Variants in C14orf132 observed in about 807,000 individuals in gnomAD.
C14orf132 encodes the protein chromosome 14 open reading frame 132, also known as uncharacterized protein C14orf132.
A neutral mutation model predicts 5.8 loss-of-function variants in C14orf132; 6 were observed. The observed-to-expected ratio is 1.03, with a 90% CI of 0.57 to 2.04. The LOEUF (loss-of-function observed/expected upper bound fraction) is 2.04, where lower values mean the gene tolerates loss of function less well. Among genes scored for constraint, C14orf132 ranks in the 30% most tolerant of loss-of-function variants. The probability of loss-of-function intolerance (pLI) is 0.00; values close to 1 mark genes in which losing one functional copy is unlikely to be tolerated. For missense variants in C14orf132, 125 were observed against 115.8 expected (o/e 1.08, Z -0.37); for synonymous variants, 51 against 49.8 (o/e 1.02, Z -0.10).
At position 96,039,523 on chromosome 14, in the gene C14orf132, C is replaced by T. The variant is rs1235722279; in HGVS notation, c.23C>T (p.Ala8Val). The T allele has an allele frequency of 1.1e-5, 16 of 1,502,596 alleles. No individual in the cohort carries two copies. The highest frequency in any genetic ancestry group is 2.1e-5 in the Admixed American group (1 of 47,998). The allele number at this position is 1,502,596 out of a possible 1,614,324, so 93.1% of individuals were successfully genotyped here. The change falls in exon 1 of 2, where the codon GCG becomes GTG. Residue 8 changes from alanine (A) to valine (V), a missense_variant. Coordinates refer to ENST00000555004, the MANE Select transcript of C14orf132 (RefSeq NM_001252507.3). The surrounding 1 kb of genome is among the most constrained non-coding windows in gnomAD (Gnocchi z 5.3). MDLSFMA[A>V]QLPMMGGAFM... ...ACCATGGATCTCTCCTTTATGGCCG[C>T]GCAGGTAACGGGGCGTCCCCCCCAC...
chr14:96,049,225 G>A (rs1886924274), intron 1 of C14orf132, among the ~76,000 whole-genome samples: 1 of 152,108 alleles, frequency 6.6e-6, no homozygotes, highest in African/African-American at 2.4e-5. Flanking sequence ...TAATAAAGCT[G>A]CTATAAACAT....
intron 1 of C14orf132, among the ~76,000 whole-genome samples, chr14:96,062,574 G>A (rs958112407): frequency 2.0e-5 from 3 of 152,122 alleles, no homozygotes; most frequent in Admixed American, 6.5e-5. Context: ...AATTGGAAAG[G>A]AGGCATTTCC....
In C14orf132 at chr14:96,073,962, T is replaced by C. The variant is rs935428073; in HGVS notation, c.28-12549T>C. ...ACAGAAAACCAAGCACTGAATGTTATCACTTACAAGTGGGAGCTGAACTAT... is the reference window on the plus strand; with the variant it reads ...ACAGAAAACCAAGCACTGAATGTTACCACTTACAAGTGGGAGCTGAACTAT... On this transcript the variant is annotated intron_variant, in intron 1 of 1. Coordinates refer to ENST00000555004, the MANE Select transcript of C14orf132 (RefSeq NM_001252507.3). 2.0e-5 allele frequency among the ~76,000 whole-genome samples: 3 copies of C among 152,308 alleles called. No individual in the cohort carries two copies. In the South Asian group the frequency reaches 6.2e-4, roughly 32 times the overall value.
chr14:96,076,507 A>G (rs1887870609), intron 1 of C14orf132, among the ~76,000 whole-genome samples: 1 of 152,106 alleles, frequency 6.6e-6, no homozygotes, highest in African/African-American at 2.4e-5. Flanking sequence ...CTTAAGGTAT[A>G]GTTTAGATCA....
At chr14:96,060,866 G>T (rs968409542) in intron 1 of C14orf132, among the ~76,000 whole-genome samples, 3 of 152,164 alleles carry the variant, frequency 2.0e-5, no homozygotes, top group African/African-American at 7.2e-5. Flanking sequence ...CTGGGTAAAG[G>T]GTTCCCTGAG....
rs1313989742 is a variant in C14orf132, at chr14:96,091,252, C to A, written c.*4517C>A. ...CGGAGGCTGGGGTTGAGATTTGGTC[C>A]TGAAGAGCTTATAGCCAGATTGCCA... On this transcript the variant is annotated 3_prime_UTR_variant, in exon 2 of 2. Coordinates refer to ENST00000555004, the MANE Select transcript of C14orf132 (RefSeq NM_001252507.3). 8.4e-6 allele frequency: 3 copies of A among 356,322 alleles called. No homozygotes were observed. The highest frequency in any genetic ancestry group is 2.1e-5 in the African/African-American group (1 of 46,730). 22.1% of individuals were successfully genotyped at this position (356,322 alleles called of 1,614,324 possible).
intron 1 of C14orf132, among the ~76,000 whole-genome samples, chr14:96,041,271 T>A (rs977903535): frequency 6.6e-6 from 1 of 152,186 alleles, no homozygotes; most frequent in Admixed American, 6.5e-5. Context: ...GCTTGGCATA[T>A]TTTATCACAG....
chr14:96,040,841 G>A (rs796958710), intron 1 of C14orf132, among the ~76,000 whole-genome samples: 36 of 151,930 alleles, frequency 2.4e-4, no homozygotes, highest in African/African-American at 8.7e-4. Context: ...GATGGTTTTA[G>A]CTACATGAAA....
chr14:96,052,455 C>T (rs1380051817), intron 1 of C14orf132, among the ~76,000 whole-genome samples: 1 of 152,262 alleles, frequency 6.6e-6, no homozygotes, highest in Admixed American at 6.5e-5. Flanking sequence ...GCATCCCTCC[C>T]TTCCGAGGTT....
chr14:96,086,795 C>G lies in C14orf132; in HGVS notation c.*60C>G. On this transcript the variant is annotated 3_prime_UTR_variant, in exon 2 of 2. Transcript: ENST00000555004. ...TTGGCACGTAGCTCTGACTTGCTGT[C>G]GGCCTTTGGCTTCTCCTGTGTTCTA... is the stretch of plus-strand genomic sequence containing the variant. 1 of 1,474,746 alleles carries G rather than the reference C, an allele frequency of 6.8e-7. No homozygotes were observed. 91.4% of individuals were successfully genotyped at this position (1,474,746 alleles called of 1,614,324 possible). A position where few individuals can be genotyped will look rare whatever the true frequency, so the allele number is the denominator to read the frequency against.
intron 1 of C14orf132, among the ~76,000 whole-genome samples, chr14:96,061,508 C>T (rs1026747952): frequency 2.0e-5 from 3 of 152,178 alleles, no homozygotes; most frequent in Non-Finnish European, 2.9e-5. Context: ...GTGTGATGAA[C>T]GTCTGCAGTG....
chr14:96,068,398 C>T (rs900738718), intron 1 of C14orf132, among the ~76,000 whole-genome samples: 36 of 152,232 alleles, frequency 2.4e-4, no homozygotes, highest in African/African-American at 7.5e-4. Flanking sequence ...TGATCTTAGG[C>T]GGGGTGCTCC....
chr14:96,077,492 C>T (rs925449597), intron 1 of C14orf132, among the ~76,000 whole-genome samples: 7 of 152,122 alleles, frequency 4.6e-5, no homozygotes, highest in Non-Finnish European at 8.8e-5. Context: ...AATTAGGACA[C>T]GGACATGCAC....
chr14:96,077,300 C>T (rs905327429), intron 1 of C14orf132, among the ~76,000 whole-genome samples: 3 of 152,156 alleles, frequency 2.0e-5, no homozygotes, highest in African/African-American at 7.2e-5. Context: ...ATGCTGGGGG[C>T]TATGGGCTGA....
intron 1 of C14orf132, among the ~76,000 whole-genome samples, chr14:96,056,159 G>C (rs1887177280): frequency 6.6e-6 from 1 of 152,210 alleles, no homozygotes; most frequent in Non-Finnish European, 1.5e-5. Context: ...CTGCTCCCCA[G>C]AGGGAACTTA....
At chr14:96,077,267 T>C (rs1289041974) in intron 1 of C14orf132, among the ~76,000 whole-genome samples, 1 of 152,094 alleles carries the variant, frequency 6.6e-6, no homozygotes, top group African/African-American at 2.4e-5. Flanking sequence ...GGATTCTGGG[T>C]GTTTTGAATA....
intron 1 of C14orf132, among the ~76,000 whole-genome samples, chr14:96,049,653 T>TATACGAGAG (rs371381526): frequency 1.2e-5 from 1 of 82,282 alleles, no homozygotes; most frequent in East Asian, 3.5e-4. Flanking sequence ...TATATATATA[T>TATACGAGAG]AGAGAGAGAG....
At chr14:96,042,715 G>A (rs1266406736) in intron 1 of C14orf132, among the ~76,000 whole-genome samples, 4 of 152,224 alleles carry the variant, frequency 2.6e-5, no homozygotes, top group African/African-American at 4.8e-5. Context: ...ACACGTGGCT[G>A]TATGACAGTG....
intron 1 of C14orf132, among the ~76,000 whole-genome samples, chr14:96,061,767 G>T (rs556350730): frequency 1.3e-4 from 20 of 152,164 alleles, no homozygotes; most frequent in Admixed American, 3.3e-4. Flanking sequence ...AAAGTTAGCT[G>T]GGTGTGGTGG....
Sources: gnomAD v4.1 joint callset for allele counts (sites outside exome capture counted in the v4.1 genomes callset) on GRCh38, gnomAD v4.1.1 for gene constraint, Gnocchi (gnomAD v3.1) non-coding constraint, MANE v1.5 for transcripts, NCBI Gene and HGNC (gene_info 2026-07-23, HGNC 2026-07-21) for gene names.